Variants in TYW1 observed in about 807,000 individuals in gnomAD.
The protein encoded by TYW1 is S-adenosyl-L-methionine-dependent tRNA 4-demethylwyosine synthase TYW1.
A neutral mutation model predicts 96.2 loss-of-function variants in TYW1; 46 were observed. The ratio of observed to expected loss-of-function variants is 0.48; its 90% CI spans 0.38 to 0.61. The LOEUF is 0.61. Among genes scored for constraint, TYW1 ranks in the 20% least tolerant of loss-of-function variants. The pLI, the probability that TYW1 is intolerant of heterozygous loss-of-function variation, is 0.00. For missense variants in TYW1, 684 were observed against 909.6 expected, an observed-to-expected ratio of 0.75 and a Z score of 3.19; for synonymous variants, 274 against 323.0, an observed-to-expected ratio of 0.85 and a Z score of 1.63.
rs143938251 is a variant in TYW1, at chr7:67,080,877, G to A, written c.1275-2553G>A. On this transcript the variant is annotated intron_variant, in intron 10 of 15. Transcript: ENST00000359626. ...GGGACTTTAATCCATTTACATTCAAGGTTATTCATGGTAGATGATGACTTA... is the reference window on the plus strand; with the variant it reads ...GGGACTTTAATCCATTTACATTCAAAGTTATTCATGGTAGATGATGACTTA... Among the ~76,000 whole-genome samples the A allele has an allele frequency of 5.3e-3, 781 of 146,474 alleles. 34 individuals are homozygous for A. In the East Asian group the frequency reaches 0.13, roughly 24 times the overall value.
At chr7:67,105,380 T>A (rs1797204484) in intron 12 of TYW1, among the ~76,000 whole-genome samples, 1 of 152,224 alleles carries the variant, frequency 6.6e-6, no homozygotes, top group Non-Finnish European at 1.5e-5. Context: ...GCCCAGATGA[T>A]ATGCAATCCA....
At chr7:67,044,668 G>C (rs1238011153) in intron 7 of TYW1, among the ~76,000 whole-genome samples, 1 of 152,006 alleles carries the variant, frequency 6.6e-6, no homozygotes, top group Non-Finnish European at 1.5e-5. Flanking sequence ...TGCCCAGGCT[G>C]GAGTGCGGTG....
At chr7:67,147,017 C>A (rs1003610490) in intron 13 of TYW1, among the ~76,000 whole-genome samples, 3 of 152,130 alleles carry the variant, frequency 2.0e-5, no homozygotes, top group Non-Finnish European at 2.9e-5. Flanking sequence ...CATAACTCTT[C>A]CATTTACATC....
intron 3 of TYW1, among the ~76,000 whole-genome samples, chr7:67,003,777 T>C (rs1456839230): frequency 6.6e-6 from 1 of 152,048 alleles, no homozygotes; most frequent in Non-Finnish European, 1.5e-5. Flanking sequence ...GTGTGGTGGC[T>C]CATGCCTGTA....
At chr7:67,130,812 C>G (rs1798050252) in intron 13 of TYW1, among the ~76,000 whole-genome samples, 2 of 152,172 alleles carry the variant, frequency 1.3e-5, no homozygotes, top group South Asian at 4.1e-4. Context: ...CCTTCCCTCC[C>G]CTCCCACAGT....
At chr7:67,237,580 A>C (rs982136855) in intron 15 of TYW1, among the ~76,000 whole-genome samples, 1 of 149,572 alleles carries the variant, frequency 6.7e-6, no homozygotes, top group African/African-American at 2.5e-5. Context: ...TAGTTAATAC[A>C]TTTACAGAAA....
At chr7:67,072,934 G>GTTT (rs529812538) in intron 10 of TYW1, among the ~76,000 whole-genome samples, 1,145 of 71,234 alleles carry the variant, frequency 0.016, 76 homozygotes, top group Non-Finnish European at 0.019. Context: ...TGCCTATCCA[G>GTTT]TTTTTTTTTT....
At chr7:67,040,396 C>T (rs1477372044) in intron 7 of TYW1, among the ~76,000 whole-genome samples, 3 of 151,860 alleles carry the variant, frequency 2.0e-5, no homozygotes, top group Non-Finnish European at 2.9e-5. Flanking sequence ...TTTACACATT[C>T]CCCATATTGA....
intron 8 of TYW1, among the ~76,000 whole-genome samples, chr7:67,051,075 G>C (rs770092282): frequency 6.6e-6 from 1 of 151,956 alleles, no homozygotes; most frequent in Non-Finnish European, 1.5e-5. Context: ...TGCCATGTTG[G>C]CCATGCTGGT....
intron 13 of TYW1, among the ~76,000 whole-genome samples, chr7:67,147,379 C>T (rs551975911): frequency 3.9e-5 from 6 of 152,192 alleles, no homozygotes; most frequent in Admixed American, 1.3e-4. Flanking sequence ...CATTCCCCCA[C>T]AGATCATATA....
intron 13 of TYW1, among the ~76,000 whole-genome samples, chr7:67,179,862 T>C (rs1799781251): frequency 2.7e-5 from 2 of 75,132 alleles, no homozygotes; most frequent in African/African-American, 6.6e-5. Flanking sequence ...TATATATATA[T>C]ATATTTTTTT....
At chr7:67,082,481 G>GT (rs1192871457) in intron 10 of TYW1, among the ~76,000 whole-genome samples, 1 of 152,182 alleles carries the variant, frequency 6.6e-6, no homozygotes, top group Non-Finnish European at 1.5e-5. Context: ...GCTAGGGGCA[G>GT]TATTGCTGGG....
Position 67,015,834 on chromosome 7 carries a change from G to A in TYW1, c.570+1273G>A, listed in dbSNP as rs868697372. On this transcript the variant is annotated intron_variant, in intron 5 of 15. Coordinates refer to ENST00000359626, the MANE Select transcript of TYW1 (RefSeq NM_018264.4). ...AAAAATTAGCCAGGTGTGGTGGCGG[G>A]TGCCTGTAGTTCCAGCTACTCGGGA... Among the ~76,000 whole-genome samples, 4 of 151,810 alleles carry A rather than the reference G, an allele frequency of 2.6e-5. No individual in the cohort carries two copies. In the South Asian group the frequency reaches 8.3e-4, roughly 32 times the overall value.
chr7:67,017,743 C>T (rs117207241), intron 5 of TYW1, 110 bp from the exon 6 acceptor site: 62,056 of 1,434,338 alleles, frequency 0.043, 1,564 homozygotes, highest in Non-Finnish European at 0.051. Context: ...TCTTCCTTAG[C>T]GGCAGCCCAT....
chr7:67,053,478 C>A (rs994575576), intron 8 of TYW1, among the ~76,000 whole-genome samples: 11 of 150,774 alleles, frequency 7.3e-5, no homozygotes, highest in African/African-American at 2.4e-4. Flanking sequence ...CTCCTGAGTT[C>A]AAGCGATTCT....
chr7:67,216,769 T>C (rs1236871021), intron 15 of TYW1, among the ~76,000 whole-genome samples: 1 of 150,584 alleles, frequency 6.6e-6, no homozygotes, highest in Non-Finnish European at 1.5e-5. Context: ...TTTTGCCCTA[T>C]AGAACTTTTC....
intron 14 of TYW1, among the ~76,000 whole-genome samples, chr7:67,187,462 G>C (rs1436794231): frequency 3.3e-5 from 5 of 152,178 alleles, no homozygotes; most frequent in African/African-American, 9.7e-5. Flanking sequence ...TTTCATAAAA[G>C]ACCCCAGGGA....
At chr7:67,047,705 A>G (rs531405539) in intron 7 of TYW1, among the ~76,000 whole-genome samples, 116 of 140,244 alleles carry the variant, frequency 8.3e-4, no homozygotes, top group Admixed American at 1.4e-3. Flanking sequence ...CTGATCTCCT[A>G]TTTCAGAGCA....
At chr7:67,064,432 G>A (rs1795796907) in intron 9 of TYW1, among the ~76,000 whole-genome samples, 1 of 152,150 alleles carries the variant, frequency 6.6e-6, no homozygotes, top group South Asian at 2.1e-4. Context: ...AAATGCAAAA[G>A]CTGTTCTGTA....
Sources: gnomAD v4.1 joint callset for allele counts (sites outside exome capture counted in the v4.1 genomes callset) on GRCh38, gnomAD v4.1.1 for gene constraint, MANE v1.5 for transcripts, NCBI Gene and HGNC (gene_info 2026-07-23, HGNC 2026-07-21) for gene names.